The following BSPH1 variants were observed in gnomAD, a reference collection of about 807,000 sequenced individuals.
The protein encoded by BSPH1 is binder of sperm 1.
Under a neutral mutation model 22.5 loss-of-function variants are expected in BSPH1, and 21 were observed. The ratio of observed to expected loss-of-function variants is 0.93; its 90% confidence interval spans 0.66 to 1.35. The LOEUF is 1.35. BSPH1 is among the 40% of genes most tolerant of loss of function. BSPH1 has a pLI of 0.00. For synonymous variants in BSPH1, 42 were observed against 53.6 expected (o/e 0.78, Z 0.95); for missense variants, 141 against 154.2 (o/e 0.91, Z 0.45).
At chr19:47,986,536 C>T (rs61240474) in intron 1 of BSPH1, among the ~76,000 whole-genome samples, 3,388 of 152,080 alleles carry the variant, frequency 0.022, 116 homozygotes, top group African/African-American at 0.076. Flanking sequence ...CCCAGGAGTT[C>T]GAGACCAGCC....
intron 5 of BSPH1, among the ~76,000 whole-genome samples, 179 bp from the exon 6 acceptor site, chr19:47,968,388 G>C (rs1022910714): frequency 1.4e-5 from 2 of 146,500 alleles, no homozygotes; most frequent in African/African-American, 2.6e-5. Context: ...TTGAGACAGA[G>C]TATCTGTCTC....
intron 5 of BSPH1, among the ~76,000 whole-genome samples, chr19:47,975,719 G>T (rs1470172834): frequency 4.1e-5 from 6 of 145,734 alleles, no homozygotes; most frequent in African/African-American, 7.8e-5. Flanking sequence ...GCAGTGGTGC[G>T]ATCTCGGCTC....
At chr19:47,985,002 G>A (rs1416387407) in intron 1 of BSPH1, among the ~76,000 whole-genome samples, 1 of 150,814 alleles carries the variant, frequency 6.6e-6, no homozygotes, top group East Asian at 1.9e-4. Context: ...GGGAGGCAGA[G>A]GTTGCAGTGA....
chr19:47,982,388 G>A (rs979769180), intron 1 of BSPH1, among the ~76,000 whole-genome samples: 1 of 152,088 alleles, frequency 6.6e-6, no homozygotes, highest in Non-Finnish European at 1.5e-5. Flanking sequence ...TATTACTGAC[G>A]ATTTTGCTAT....
intron 1 of BSPH1, among the ~76,000 whole-genome samples, chr19:47,981,598 G>A (rs888400347): frequency 3.9e-5 from 6 of 152,200 alleles, no homozygotes; most frequent in Non-Finnish European, 5.9e-5. Flanking sequence ...CCCCGGAGGG[G>A]TTGGTTCAGT....
intron 1 of BSPH1, among the ~76,000 whole-genome samples, chr19:47,983,810 T>C (rs7256184): frequency 3.8e-3 from 571 of 151,700 alleles, no homozygotes; most frequent in African/African-American, 0.013. Context: ...AAAGAGCACA[T>C]ATTGTAACTC....
At chr19:47,977,314 G>C (rs1353723146) in intron 4 of BSPH1, 59 bp downstream of exon 4, 1 of 1,378,526 alleles carries the variant, frequency 7.3e-7, no homozygotes, top group Non-Finnish European at 1.0e-6. Context: ...TTTTGCCTCA[G>C]ATCCCAGCCT....
chr19:47,968,204 G>A lies in BSPH1; in HGVS notation c.*8C>T, dbSNP rs1969275968. ...TGTATCTGATAGCCAGCAGATGCAA[G>A]CAAACCTAACCCAAAGAACAGAAGC... On this transcript the variant is annotated 3_prime_UTR_variant, in exon 6 of 6. Transcript: ENST00000344839. The A allele has an allele frequency of 6.6e-6, 1 of 152,134 alleles. No individual in the cohort carries two copies. The highest frequency in any genetic ancestry group is 1.5e-5 in the Non-Finnish European group (1 of 68,024). The allele number at this position is 152,134 out of a possible 1,614,324, so 9.4% of individuals were successfully genotyped here.
At chr19:47,980,347 C>G (rs182955423) in intron 2 of BSPH1, 109 of 330,862 alleles carry the variant, frequency 3.3e-4, no homozygotes, top group African/African-American at 2.3e-3. Flanking sequence ...AAGGCATTTT[C>G]TATTTCCTTC....
rs113621285 is a variant in BSPH1, at chr19:47,971,632, C to A, written c.*3-3423G>T. 4.8e-4 allele frequency among the ~76,000 whole-genome samples: 73 copies of A among 152,290 alleles called. 1 individual carries two copies. The highest frequency in any genetic ancestry group is 1.7e-3 in the African/African-American group (72 of 41,568). ...TTCTCTTGTTCTAGTCCTCAATATG[C>A]CACACCTGTTCCTGCATTAGGAACT... On this transcript the variant is annotated intron_variant, in intron 5 of 5. Transcript: ENST00000344839.
chr19:47,984,551 A>G (rs1304014702), intron 1 of BSPH1, among the ~76,000 whole-genome samples: 1 of 152,146 alleles, frequency 6.6e-6, no homozygotes, highest in Admixed American at 6.6e-5. Flanking sequence ...CCAAATCGAA[A>G]TTGTTTTATG....
chr19:47,968,681 T>TAAAAAAAA (rs71181616), intron 5 of BSPH1, among the ~76,000 whole-genome samples: 4 of 92,240 alleles, frequency 4.3e-5, no homozygotes, highest in Non-Finnish European at 6.0e-5. Flanking sequence ...GACCCTGTCT[T>TAAAAAAAA]AAAAAAAAAA....
At chr19:47,976,633 T>A in intron 5 of BSPH1, 77 bp downstream of exon 5, 13 of 977,918 alleles carry the variant, frequency 1.3e-5, no homozygotes, top group East Asian at 3.2e-5. Flanking sequence ...AGGGTTCTCC[T>A]CTGCCAACAA....
chr19:47,975,183 T>G (rs1170453613), intron 5 of BSPH1, among the ~76,000 whole-genome samples: 1 of 152,176 alleles, frequency 6.6e-6, no homozygotes, highest in East Asian at 1.9e-4. Context: ...TCTACTATTC[T>G]TTGTTATTTC....
At chr19:47,977,594 A>G in intron 3 of BSPH1, 90 bp from the exon 4 acceptor site, 4 of 1,500,770 alleles carry the variant, frequency 2.7e-6, no homozygotes, top group Non-Finnish European at 3.6e-6. Context: ...TTGCCCTTTG[A>G]AATCAGAGTC....
intron 1 of BSPH1, among the ~76,000 whole-genome samples, chr19:47,984,369 C>A (rs1306008012): frequency 6.6e-6 from 1 of 151,808 alleles, no homozygotes; most frequent in East Asian, 1.9e-4. Flanking sequence ...GAAGACAAAG[C>A]TATGCACTGG....
intron 1 of BSPH1, among the ~76,000 whole-genome samples, chr19:47,988,436 G>A (rs549275389): frequency 6.6e-6 from 1 of 152,248 alleles, no homozygotes; most frequent in Admixed American, 6.5e-5. Context: ...GAGGCCACAG[G>A]CTAAGCTTGG....
Position 47,992,162 on chromosome 19 carries a change from G to T in BSPH1, c.-81C>A. ...CTCAAGAATCCCCTGGAGAGGCCCA[G>T]GGAGGCTTCTTGGAAAAGCAGGTTT... On this transcript the variant is annotated 5_prime_UTR_variant, in exon 1 of 6. In the 5' UTR this introduces an upstream ATG that the reference lacks. Transcript: ENST00000344839. The T allele has an allele frequency of 8.7e-7, 1 of 1,147,996 alleles. No homozygotes were observed. Among genetic ancestry groups the T allele is most frequent in the Non-Finnish European group, 1.3e-6 (1 of 793,726 alleles). 71.1% of individuals were successfully genotyped at this position (1,147,996 alleles called of 1,614,324 possible). A position where few individuals can be genotyped will look rare whatever the true frequency, so the allele number is the denominator to read the frequency against.
intron 4 of BSPH1, 95 bp downstream of exon 4, chr19:47,977,278 G>C (rs1969373851): frequency 1.1e-6 from 1 of 895,008 alleles, no homozygotes; most frequent in East Asian, 2.7e-5. Flanking sequence ...ATTGGCTATG[G>C]ATTCTATTTT....
Sources: allele counts gnomAD v4.1 joint callset (sites outside exome capture counted in the v4.1 genomes callset), GRCh38; gene constraint gnomAD v4.1.1; transcripts MANE v1.5; gene names NCBI Gene and HGNC (gene_info 2026-07-23, HGNC 2026-07-21).